The following PCGF5 variants were observed in gnomAD, a reference collection of about 807,000 sequenced individuals.
PCGF5 encodes the protein polycomb group ring finger 5.
A neutral mutation model predicts 44.3 loss-of-function variants in PCGF5; 9 were observed. The ratio of observed to expected loss-of-function variants is 0.20; its 90% CI spans 0.12 to 0.35. The LOEUF is 0.35. PCGF5 is among the 10% of genes least tolerant of loss of function. The probability of loss-of-function intolerance (pLI) is 1.00; values close to 1 mark genes in which losing one functional copy is unlikely to be tolerated. For missense variants in PCGF5, 146 were observed against 305.3 expected (o/e 0.48, Z 3.89); for synonymous variants, 95 against 102.5 (o/e 0.93, Z 0.44).
intron 1 of PCGF5, among the ~76,000 whole-genome samples, chr10:91,185,740 C>A (rs1022362211): frequency 6.6e-6 from 1 of 152,188 alleles, no homozygotes; most frequent in Non-Finnish European, 1.5e-5. Flanking sequence ...GTTCTCCTGA[C>A]CCGGGAGTTG....
intron 9 of PCGF5, among the ~76,000 whole-genome samples, chr10:91,276,975 C>A (rs1426721467): frequency 6.6e-6 from 1 of 152,114 alleles, no homozygotes; most frequent in African/African-American, 2.4e-5. Flanking sequence ...TCAGGGGGAA[C>A]TAAATAAAGT....
intron 2 of PCGF5, among the ~76,000 whole-genome samples, chr10:91,233,782 C>T (rs1415419180): frequency 6.6e-6 from 1 of 151,946 alleles, no homozygotes; most frequent in Non-Finnish European, 1.5e-5. Flanking sequence ...ATAAAATGAG[C>T]ATTATCAAGA....
At position 91,180,766 on chromosome 10, in the gene PCGF5, TTTG is replaced by T. The variant is rs201971171; in HGVS notation, c.-184+17686_-184+17688del. ...TGGTTACTGTAGCCCTGTAGTATAG[TTTG>T]AAGTTGGGTAGCATGATGCCTCCAG... is the stretch of plus-strand genomic sequence containing the variant. On this transcript the variant is annotated intron_variant, in intron 1 of 9. Coordinates refer to the PCGF5 transcript ENST00000614189. 3.2e-3 allele frequency among the ~76,000 whole-genome samples: 494 copies of T among 152,304 alleles called. 14 individuals are homozygous for T. In the East Asian group the frequency reaches 0.07, roughly 21 times the overall value.
chr10:91,186,429 C>T (rs1046142310), intron 1 of PCGF5, among the ~76,000 whole-genome samples: 40 of 152,042 alleles, frequency 2.6e-4, no homozygotes, highest in Non-Finnish European at 8.8e-5. Flanking sequence ...AGTCTTGTTG[C>T]ATTGAACTTT....
chr10:91,230,257 A>G (rs1844964923), intron 2 of PCGF5, among the ~76,000 whole-genome samples: 1 of 152,216 alleles, frequency 6.6e-6, no homozygotes, highest in African/African-American at 2.4e-5. Flanking sequence ...GGGTTGAGAA[A>G]AAGTGTGTAA....
intron 9 of PCGF5, among the ~76,000 whole-genome samples, chr10:91,275,607 A>ATTTTTTTTT (rs72439811): frequency 2.3e-5 from 3 of 128,892 alleles, no homozygotes; most frequent in African/African-American, 6.1e-5. Flanking sequence ...TGCCCGGCTA[A>ATTTTTTTTT]TTTTTTTTTT....
chr10:91,265,929 T>C (rs986832887), intron 8 of PCGF5, among the ~76,000 whole-genome samples: 1 of 152,202 alleles, frequency 6.6e-6, no homozygotes, highest in African/African-American at 2.4e-5. Context: ...CATACATGTT[T>C]GTGGCTCATA....
At chr10:91,218,335 G>A (rs113878545), upstream of PCGF5, among the ~76,000 whole-genome samples, 2,357 of 151,514 alleles carry the variant, frequency 0.016, 49 homozygotes, top group Admixed American at 0.044. Flanking sequence ...TTTTTCCCCT[G>A]GTCCTATATC....
chr10:91,278,316 G>A lies in PCGF5; in HGVS notation c.771G>A (p.Ter257=). The A allele has an allele frequency of 1.2e-6, 2 of 1,610,918 alleles. No homozygotes were observed. Among genetic ancestry groups the A allele is most frequent in the Non-Finnish European group, 1.7e-6 (2 of 1,177,136 alleles). The change falls in exon 10 of 10, where the codon TAG becomes TAA. Residue 257 remains the stop codon, a stop_retained_variant. Transcript: ENST00000336126. ...LQYRPRIDFG[*] is the part of the protein sequence containing the mutation. ...ATCGACCAAGAATTGATTTCGGTTA[G>A]ACCAAGGGGCCCAGACCTCACTGAG... is the stretch of plus-strand genomic sequence containing the variant.
intron 2 of PCGF5, among the ~76,000 whole-genome samples, chr10:91,231,727 T>C (rs937800529): frequency 6.6e-6 from 1 of 152,190 alleles, no homozygotes; most frequent in Non-Finnish European, 1.5e-5. Context: ...AGAAGAATTA[T>C]ATGATCTGAT....
At chr10:91,192,626 A>C (rs910181286) in intron 1 of PCGF5, among the ~76,000 whole-genome samples, 1 of 152,256 alleles carries the variant, frequency 6.6e-6, no homozygotes, top group African/African-American at 2.4e-5. Context: ...TAAACAAAAC[A>C]ATGATTCTTG....
At chr10:91,264,386 G>T (rs1354173202) in intron 7 of PCGF5, 45 bp from the exon 8 acceptor site, 5 of 1,415,306 alleles carry the variant, frequency 3.5e-6, no homozygotes, top group Admixed American at 2.4e-5. Context: ...AAATACTTTT[G>T]AATTCAACAT....
intron 2 of PCGF5, among the ~76,000 whole-genome samples, chr10:91,231,195 C>T (rs537481565): frequency 6.6e-6 from 1 of 152,218 alleles, no homozygotes; most frequent in African/African-American, 2.4e-5. Context: ...TATTCCTAAC[C>T]ATTGTGTTCT....
intron 3 of PCGF5, among the ~76,000 whole-genome samples, chr10:91,247,888 C>T (rs1211857203): frequency 6.6e-6 from 1 of 152,114 alleles, no homozygotes; most frequent in Non-Finnish European, 1.5e-5. Flanking sequence ...ATTATTCCTC[C>T]TGGTTCCCTG....
At chr10:91,230,662 G>A (rs1448383156) in intron 2 of PCGF5, among the ~76,000 whole-genome samples, 1 of 152,150 alleles carries the variant, frequency 6.6e-6, no homozygotes, top group Non-Finnish European at 1.5e-5. Context: ...CTGGAGTGCA[G>A]TGGCAAGATC....
chr10:91,238,289 T>G (rs555082231), intron 2 of PCGF5, among the ~76,000 whole-genome samples: 13 of 152,324 alleles, frequency 8.5e-5, no homozygotes, highest in Admixed American at 5.9e-4. Context: ...GCTTTGACTT[T>G]AAGCAATTAG....
chr10:91,190,690 C>G (rs1261789305), intron 1 of PCGF5, among the ~76,000 whole-genome samples: 1 of 152,038 alleles, frequency 6.6e-6, no homozygotes, highest in African/African-American at 2.4e-5. Flanking sequence ...ATTTTTTTCC[C>G]CTTAATGCTA....
intron 1 of PCGF5, among the ~76,000 whole-genome samples, chr10:91,164,824 C>A (rs1164666736): frequency 6.6e-6 from 1 of 152,196 alleles, no homozygotes; most frequent in African/African-American, 2.4e-5. Context: ...AGGAGCCACC[C>A]CATAATACTA....
At position 91,260,260 on chromosome 10, in the gene PCGF5, A is replaced by C. The variant is rs190972814; in HGVS notation, c.475-1066A>C. Among the ~76,000 whole-genome samples, 6 of 152,348 alleles carry C rather than the reference A, an allele frequency of 3.9e-5. No individual in the cohort carries two copies. In the East Asian group the frequency reaches 1.2e-3, roughly 29 times the overall value. On this transcript the variant is annotated intron_variant, in intron 6 of 9. Transcript: ENST00000336126. ...GAAATGCAAATCAAACCACAATGAG[A>C]TACCATCTCACACCAGTTAGAATGG...
Sources: gnomAD v4.1 joint callset for allele counts (sites outside exome capture counted in the v4.1 genomes callset) on GRCh38, gnomAD v4.1.1 for gene constraint, MANE v1.5 for transcripts, NCBI Gene and HGNC (gene_info 2026-07-23, HGNC 2026-07-21) for gene names.